The following PHLDB2 variants were observed in gnomAD, a reference collection of about 807,000 sequenced individuals.
The protein encoded by PHLDB2 is pleckstrin homology like domain family B member 2, also known as pleckstrin homology-like domain family B member 2.
Under a neutral mutation model 123.6 loss-of-function variants are expected in PHLDB2, and 71 were observed. The ratio of observed to expected loss-of-function variants is 0.57; its 90% CI spans 0.47 to 0.70. The LOEUF (loss-of-function observed/expected upper bound fraction) is 0.70. Among genes scored for constraint, PHLDB2 ranks in the 30% least tolerant of loss-of-function variants. The pLI is 0.00. For synonymous variants in PHLDB2, 547 were observed against 541.6 expected (o/e 1.01, Z -0.14); for missense variants, 1,446 against 1,519.5 (o/e 0.95, Z 0.80).
rs565691416 is a variant in PHLDB2 at position 111,975,913 on chromosome 3, T to C, written c.*1350T>C. On this transcript the variant is annotated 3_prime_UTR_variant, in exon 18 of 18. Coordinates refer to ENST00000431670, the MANE Select transcript of PHLDB2 (RefSeq NM_001134438.2). Reference sequence around the variant, plus strand: ...GACTGGGTACAATTCTTTTGTTAATTTGCAGTGTGGTTTGTATACACGTAT... The same window carrying C: ...GACTGGGTACAATTCTTTTGTTAATCTGCAGTGTGGTTTGTATACACGTAT... The C allele has an allele frequency of 6.5e-6, 1 of 152,782 alleles. No individual in the cohort carries two copies. The highest frequency in any genetic ancestry group is 2.1e-4 in the South Asian group (1 of 4,826). The allele number at this position is 152,782 out of a possible 1,614,324, so 9.5% of individuals were successfully genotyped here. A position where few individuals can be genotyped will look rare whatever the true frequency, so the allele number is the denominator to read the frequency against.
At chr3:111,966,532 G>T in intron 13 of PHLDB2, 81 bp from the exon 14 acceptor site, 1 of 781,172 alleles carries the variant, frequency 1.3e-6, no homozygotes, top group South Asian at 1.7e-5. Context: ...TCTGGGGTGT[G>T]TGTGTGTGTG....
chr3:111,953,191 G>A (rs1457575631), intron 11 of PHLDB2, among the ~76,000 whole-genome samples: 2 of 152,138 alleles, frequency 1.3e-5, no homozygotes, highest in African/African-American at 4.8e-5. Flanking sequence ...GGTGTATAAG[G>A]CTAAGTGACT....
chr3:111,864,541 G>C (rs1317067944), intron 1 of PHLDB2, among the ~76,000 whole-genome samples: 1 of 152,206 alleles, frequency 6.6e-6, no homozygotes, highest in African/African-American at 2.4e-5. Flanking sequence ...GCTTTGTGCT[G>C]TATCTGCTTT....
intron 1 of PHLDB2, among the ~76,000 whole-genome samples, chr3:111,803,073 A>G (rs2061437251): frequency 6.6e-6 from 1 of 152,250 alleles, no homozygotes; most frequent in East Asian, 1.9e-4. Flanking sequence ...CAAAAGAAAA[A>G]GCAGAAATGA....
intron 2 of PHLDB2, among the ~76,000 whole-genome samples, chr3:111,892,037 T>C (rs1179916345): frequency 6.6e-6 from 1 of 152,226 alleles, no homozygotes; most frequent in African/African-American, 2.4e-5. Flanking sequence ...AGTGCCTTGG[T>C]AAATAGCATT....
chr3:111,820,541 C>T (rs922622562), intron 1 of PHLDB2, among the ~76,000 whole-genome samples: 1 of 152,210 alleles, frequency 6.6e-6, no homozygotes, highest in Non-Finnish European at 1.5e-5. Flanking sequence ...TACTGTGTCT[C>T]ATATGTGTTG....
chr3:111,929,977 T>C (rs1161221434), intron 5 of PHLDB2, among the ~76,000 whole-genome samples: 1 of 149,972 alleles, frequency 6.7e-6, no homozygotes, highest in Non-Finnish European at 1.5e-5. Context: ...AGTGACACGA[T>C]CTCGGCTCAC....
At chr3:111,874,783 A>T (rs1272106170) in intron 1 of PHLDB2, among the ~76,000 whole-genome samples, 1 of 152,242 alleles carries the variant, frequency 6.6e-6, no homozygotes, top group South Asian at 2.1e-4. Flanking sequence ...AATGCCTGCT[A>T]AATAAATGTC....
At chr3:111,753,811 T>G (rs1191416735) in intron 1 of PHLDB2, among the ~76,000 whole-genome samples, 2 of 152,220 alleles carry the variant, frequency 1.3e-5, no homozygotes, top group Non-Finnish European at 2.9e-5. Context: ...TAATCCATCT[T>G]GAATTAATTT....
At chr3:111,838,433 T>C (rs543042674) in intron 1 of PHLDB2, among the ~76,000 whole-genome samples, 2 of 152,224 alleles carry the variant, frequency 1.3e-5, no homozygotes, top group African/African-American at 2.4e-5. Context: ...ACAAGAATGA[T>C]AGCAAATCCA....
At chr3:111,872,118 C>G (rs1194259890) in intron 1 of PHLDB2, among the ~76,000 whole-genome samples, 1 of 152,214 alleles carries the variant, frequency 6.6e-6, no homozygotes, top group Non-Finnish European at 1.5e-5. Context: ...CCTGTTTAGA[C>G]TTCCCTGTGT....
At chr3:111,801,916 G>A (rs971599451) in intron 1 of PHLDB2, among the ~76,000 whole-genome samples, 10 of 152,216 alleles carry the variant, frequency 6.6e-5, no homozygotes, top group Admixed American at 3.3e-4. Context: ...TGATGACAAT[G>A]TTCTGGAATA....
chr3:111,802,464 C>A (rs1344878586), intron 1 of PHLDB2, among the ~76,000 whole-genome samples: 1 of 152,210 alleles, frequency 6.6e-6, no homozygotes, highest in Non-Finnish European at 1.5e-5. Context: ...TCCTATGATG[C>A]CTTGGCAGCA....
intron 2 of PHLDB2, among the ~76,000 whole-genome samples, chr3:111,852,071 TATC>T (rs1047493559): frequency 6.6e-6 from 1 of 152,084 alleles, no homozygotes; most frequent in African/African-American, 2.4e-5. Context: ...TATATTACAT[TATC>T]ATATTACAGT....
At chr3:111,842,328 A>G (rs1168897333) in intron 1 of PHLDB2, among the ~76,000 whole-genome samples, 1 of 152,178 alleles carries the variant, frequency 6.6e-6, no homozygotes, top group African/African-American at 2.4e-5. Flanking sequence ...TTTCTCATAT[A>G]TCCCCATCCT....
chr3:111,968,435 T>A (rs934949848), intron 15 of PHLDB2, among the ~76,000 whole-genome samples: 1 of 152,238 alleles, frequency 6.6e-6, no homozygotes, highest in African/African-American at 2.4e-5. Flanking sequence ...TTTTATTTAA[T>A]GTCTTATCTT....
chr3:111,889,016 C>T (rs1481247013), intron 2 of PHLDB2, among the ~76,000 whole-genome samples: 4 of 152,136 alleles, frequency 2.6e-5, no homozygotes, highest in Non-Finnish European at 5.9e-5. Context: ...TAACACATCA[C>T]AGAACATAAT....
In PHLDB2 at chr3:111,952,623, C is replaced by T; in HGVS notation, c.2683C>T (p.Leu895=). 2 of 1,613,938 alleles carry T rather than the reference C, an allele frequency of 1.2e-6. No homozygotes were observed. The highest frequency in any genetic ancestry group is 1.1e-5 in the South Asian group (1 of 91,068). The part of the protein sequence containing the change: ...RKKQHKEGLY[L]SDTLPRKKTT... ...AAAACAGCATAAAGAAGGCCTCTAT[C>T]TGAGTGATACTTTGCCTCGAAAGAA... The change falls in exon 11 of 18, where the codon CTG becomes TTG. Residue 895 remains leucine, a synonymous_variant. Transcript: ENST00000431670.
chr3:111,832,765 AAT>A lies in PHLDB2; in HGVS notation c.-48-13048_-48-13047del, dbSNP rs1476822890. 4.8e-4 allele frequency among the ~76,000 whole-genome samples: 6 copies of A among 12,552 alleles called. No homozygotes were observed. In the East Asian group the frequency reaches 8.4e-3, roughly 18 times the overall value. 8.2% of individuals were successfully genotyped at this position (12,552 alleles called of 152,430 possible). A position where few individuals can be genotyped will look rare whatever the true frequency, so the allele number is the denominator to read the frequency against. ...ATATATATAATAGAATTATACATATAATATATATAATAGAATTATACATATAA... is the reference window on the plus strand; with the variant it reads ...ATATATATAATAGAATTATACATATAATATATAATAGAATTATACATATAA... On this transcript the variant is annotated intron_variant, in intron 1 of 17. Coordinates refer to the PHLDB2 transcript ENST00000393923.
Sources: gnomAD v4.1 joint callset for allele counts (sites outside exome capture counted in the v4.1 genomes callset) on GRCh38, gnomAD v4.1.1 for gene constraint, MANE v1.5 for transcripts, NCBI Gene and HGNC (gene_info 2026-07-23, HGNC 2026-07-21) for gene names.